The following HERC1 variants were observed in gnomAD, a reference collection of about 807,000 sequenced individuals.
HERC1 encodes probable E3 ubiquitin-protein ligase HERC1.
HERC1 carries 160 observed loss-of-function variants against 554.3 expected under a neutral mutation model. That is an observed-to-expected ratio of 0.29 (90% CI 0.25 to 0.33). The LOEUF (loss-of-function observed/expected upper bound fraction) is 0.33, where lower values mean the gene tolerates loss of function less well. Among genes scored for constraint, HERC1 ranks in the 10% least tolerant of loss-of-function variants. The probability of loss-of-function intolerance (pLI) is 1.00; values close to 1 mark genes in which losing one functional copy is unlikely to be tolerated. For synonymous variants in HERC1, 2,175 were observed against 2,131.7 expected, an observed-to-expected ratio of 1.02 and a Z score of -0.56; for missense variants, 4,919 against 5,918.5, an observed-to-expected ratio of 0.83 and a Z score of 5.54.
chr15:63,652,330 A>C lies in HERC1; in HGVS notation c.10418+84T>G. 3.1e-6 allele frequency: 4 copies of C among 1,306,850 alleles called. No homozygotes were observed. The South Asian group carries it at 5.2e-5, about 17-fold the overall frequency. 81.0% of individuals were successfully genotyped at this position (1,306,850 alleles called of 1,614,324 possible). A position where few individuals can be genotyped will look rare whatever the true frequency, so the allele number is the denominator to read the frequency against. On this transcript the variant is annotated intron_variant, in intron 52 of 77. Transcript: ENST00000443617. ...AAAATTTCAAAAAATTTTAGTGACA[A>C]TATGATTACATTAACACAACCAAGA...
chr15:63,614,616 C>T (rs2067737351), intron 76 of HERC1, among the ~76,000 whole-genome samples: 1 of 152,168 alleles, frequency 6.6e-6, no homozygotes, highest in Non-Finnish European at 1.5e-5. Flanking sequence ...CACTAAACTT[C>T]TATAGCTTCA....
intron 1 of HERC1, among the ~76,000 whole-genome samples, chr15:63,813,994 G>A (rs1002585632): frequency 3.3e-5 from 5 of 152,140 alleles, no homozygotes; most frequent in Admixed American, 3.3e-4. Context: ...AGGAGGCAGA[G>A]GTTGCAGTGA....
chr15:63,750,427 A>C (rs1352118293), intron 8 of HERC1, among the ~76,000 whole-genome samples: 2 of 152,218 alleles, frequency 1.3e-5, no homozygotes, highest in Non-Finnish European at 2.9e-5. Context: ...TTGGCAAGAC[A>C]AATAGGTGAC....
intron 46 of HERC1, 97 bp from the exon 47 acceptor site, chr15:63,660,033 G>A: frequency 2.0e-6 from 2 of 1,002,876 alleles, no homozygotes; most frequent in Middle Eastern, 2.7e-4. Flanking sequence ...AAATGCAGAT[G>A]AGCAGCCAGA....
intron 33 of HERC1, among the ~76,000 whole-genome samples, 188 bp downstream of exon 33, chr15:63,689,401 G>A (rs2071975164): frequency 6.6e-6 from 1 of 152,126 alleles, no homozygotes; most frequent in Non-Finnish European, 1.5e-5. Context: ...TGATTTAGGA[G>A]AGAGGAAATG....
intron 10 of HERC1, 119 bp from the exon 11 acceptor site, chr15:63,747,977 G>C: frequency 2.0e-6 from 2 of 978,210 alleles, no homozygotes; most frequent in Non-Finnish European, 2.9e-6. Flanking sequence ...TGTAATCCTA[G>C]CACTTTGGGA....
intron 12 of HERC1, among the ~76,000 whole-genome samples, chr15:63,740,641 T>C (rs371734643): frequency 1.3e-5 from 2 of 152,220 alleles, no homozygotes; most frequent in East Asian, 1.9e-4. Context: ...GGTATCTCAG[T>C]GTGGTTTTGA....
intron 1 of HERC1, among the ~76,000 whole-genome samples, chr15:63,804,874 A>G (rs1445874783): frequency 6.6e-6 from 1 of 152,202 alleles, no homozygotes; most frequent in Non-Finnish European, 1.5e-5. Flanking sequence ...ATGGAAATTG[A>G]AACCACAACA....
At chr15:63,832,061 A>C (rs1200223513) in intron 1 of HERC1, among the ~76,000 whole-genome samples, 1 of 152,200 alleles carries the variant, frequency 6.6e-6, no homozygotes, top group Non-Finnish European at 1.5e-5. Flanking sequence ...CAATAACAAC[A>C]ACCCCAGATG....
At chr15:63,778,695 A>T (rs2076186000) in intron 1 of HERC1, among the ~76,000 whole-genome samples, 1 of 152,194 alleles carries the variant, frequency 6.6e-6, no homozygotes, top group Non-Finnish European at 1.5e-5. Context: ...TTAAATTAAG[A>T]ATATTATAAA....
intron 3 of HERC1, 36 bp downstream of exon 3, chr15:63,764,060 A>G (rs572706937): frequency 1.5e-6 from 2 of 1,344,926 alleles, no homozygotes; most frequent in South Asian, 1.2e-5. Flanking sequence ...ATTTTAACAC[A>G]AAGTTGTTAA....
chr15:63,784,728 C>A (rs576148899), intron 1 of HERC1, among the ~76,000 whole-genome samples: 1 of 152,192 alleles, frequency 6.6e-6, no homozygotes, highest in Non-Finnish European at 1.5e-5. Flanking sequence ...CTGCCTCAGC[C>A]TCCCAAGTAA....
intron 12 of HERC1, among the ~76,000 whole-genome samples, chr15:63,744,156 GTGTGTGTGTCTC>G (rs1245602874): frequency 3.5e-3 from 145 of 41,322 alleles, no homozygotes; most frequent in Non-Finnish European, 4.8e-3. Context: ...GTGTGTGTGT[GTGTGTGTGTCTC>G]TCTCTCTCTC....
At position 63,655,815 on chromosome 15, in the gene HERC1, G is replaced by A. The variant is rs543823736; in HGVS notation, c.10011C>T (p.Ala3337=). The A allele has an allele frequency of 2.5e-6, 4 of 1,593,510 alleles. No homozygotes were observed. Among genetic ancestry groups the A allele is most frequent in the African/African-American group, 2.7e-5 (2 of 74,750 alleles). The change falls in exon 50 of 78, where the codon GCC becomes GCT. Residue 3337 remains alanine, a synonymous_variant. Coordinates refer to ENST00000443617, the MANE Select transcript of HERC1 (RefSeq NM_003922.4). ...VTSPNFVVTQ[A]LVALLADKGA... ...CTTTGTCTGCTAGCAATGCCACAAGGGCCTGTGTTACAACAAAGTTTGGGG... is the reference window on the plus strand; with the variant it reads ...CTTTGTCTGCTAGCAATGCCACAAGAGCCTGTGTTACAACAAAGTTTGGGG...
chr15:63,782,636 T>C (rs1339507133), intron 1 of HERC1, among the ~76,000 whole-genome samples: 1 of 152,214 alleles, frequency 6.6e-6, no homozygotes, highest in East Asian at 1.9e-4. Context: ...CATTTCTACT[T>C]TCAAGTCTTA....
At chr15:63,780,583 G>A (rs1450462362) in intron 1 of HERC1, 3 of 152,176 alleles carry the variant, frequency 2.0e-5, no homozygotes, top group Non-Finnish European at 4.4e-5. Flanking sequence ...TTAGCTGGGC[G>A]TGGTGGTGGG....
In HERC1 at chr15:63,732,984, T is replaced by G. The variant is rs755656959; in HGVS notation, c.2808A>C (p.Pro936=). ...TCAAAATTTCAGCCAGGTGGGTATC[T>G]GGATGGCAGCTCTGAGTGCCGTAAG... ...DQPYGTQSCH[P]DTHLAEILMK... Residue 936 remains proline, a synonymous_variant, in exon 14 of 78, where the codon CCA becomes CCC. Transcript: ENST00000443617. 1 of 1,613,908 alleles carries G rather than the reference T, an allele frequency of 6.2e-7. No homozygotes were observed. The highest frequency in any genetic ancestry group is 1.3e-5 in the African/African-American group (1 of 74,938).
chr15:63,666,681 A>G (rs1262871018), intron 40 of HERC1, among the ~76,000 whole-genome samples: 1 of 152,192 alleles, frequency 6.6e-6, no homozygotes, highest in Non-Finnish European at 1.5e-5. Context: ...ATTTGTGTAG[A>G]GGTACTATAA....
chr15:63,651,389 T>C lies in HERC1; in HGVS notation c.10419-9A>G, dbSNP rs2069667288. ...CCTCAGCATCCCCTTCCCTAGAATATAACAGACAGATATGCAGTTCTAATC... is the reference window on the plus strand; with the variant it reads ...CCTCAGCATCCCCTTCCCTAGAATACAACAGACAGATATGCAGTTCTAATC... On this transcript the variant is annotated splice_polypyrimidine_tract_variant and intron_variant, in intron 52 of 77. Transcript: ENST00000443617. The C allele has an allele frequency of 6.2e-7, 1 of 1,610,200 alleles. No individual in the cohort carries two copies. The highest frequency in any genetic ancestry group is 1.3e-5 in the African/African-American group (1 of 74,794).
Sources: allele counts gnomAD v4.1 joint callset (sites outside exome capture counted in the v4.1 genomes callset), GRCh38; gene constraint gnomAD v4.1.1; transcripts MANE v1.5; gene names NCBI Gene and HGNC (gene_info 2026-07-23, HGNC 2026-07-21).